Variants in LMX1A observed in about 807,000 individuals in gnomAD.
The protein encoded by LMX1A is LIM homeobox transcription factor 1-alpha.
Under a neutral mutation model 49.1 loss-of-function variants are expected in LMX1A, and 15 were observed. The observed-to-expected ratio is 0.31, with a 90% CI of 0.20 to 0.47. The LOEUF is 0.47. Among genes scored for constraint, LMX1A ranks in the 20% least tolerant of loss-of-function variants. The probability of loss-of-function intolerance (pLI) is 1.00; values close to 1 mark genes in which losing one functional copy is unlikely to be tolerated. For synonymous variants in LMX1A, 167 were observed against 185.7 expected (o/e 0.90, Z 0.82); for missense variants, 372 against 475.8 (o/e 0.78, Z 2.03).
intron 6 of LMX1A, among the ~76,000 whole-genome samples, chr1:165,209,251 T>C (rs1322922314): frequency 1.3e-5 from 2 of 152,218 alleles, no homozygotes; most frequent in Admixed American, 1.3e-4. Flanking sequence ...CCAATCATGA[T>C]CAAATAGTGA....
chr1:165,355,634 C>A lies in LMX1A; in HGVS notation c.-22-53G>T. The A allele has an allele frequency of 1.5e-6, 2 of 1,378,248 alleles. No homozygotes were observed. The highest frequency in any genetic ancestry group is 2.0e-6 in the Non-Finnish European group (2 of 981,958). The allele number at this position is 1,378,248 out of a possible 1,614,324, so 85.4% of individuals were successfully genotyped here. A position where few individuals can be genotyped will look rare whatever the true frequency, so the allele number is the denominator to read the frequency against. The stretch of plus-strand genomic sequence containing the variant: ...GACGTCCGTGCCCGCTGGGACTCGG[C>A]GCCAGCAGCCACCGCACTCCTGGGA... On this transcript the variant is annotated intron_variant, in intron 1 of 8. Coordinates refer to ENST00000342310, the MANE Select transcript of LMX1A (RefSeq NM_177398.4). The surrounding 1 kb of genome is among the most constrained non-coding windows in gnomAD (Gnocchi z 4.7).
At chr1:165,341,216 C>T (rs1354108696) in intron 3 of LMX1A, among the ~76,000 whole-genome samples, 1 of 152,186 alleles carries the variant, frequency 6.6e-6, no homozygotes, top group East Asian at 1.9e-4. Flanking sequence ...CACAACCAGC[C>T]ATACCCTAAA....
chr1:165,248,937 C>T (rs1652954448), intron 4 of LMX1A, among the ~76,000 whole-genome samples: 1 of 152,154 alleles, frequency 6.6e-6, no homozygotes, highest in Admixed American at 6.5e-5. Flanking sequence ...GAAATGTGCT[C>T]TGTGGTTGGG....
chr1:165,240,124 TAA>T (rs1652595091), intron 4 of LMX1A, among the ~76,000 whole-genome samples: 2 of 152,164 alleles, frequency 1.3e-5, no homozygotes, highest in African/African-American at 4.8e-5. Flanking sequence ...CAAGTCAGTC[TAA>T]GTGTTGAAAC....
At chr1:165,235,529 G>A (rs1293420284) in intron 4 of LMX1A, among the ~76,000 whole-genome samples, 1 of 152,296 alleles carries the variant, frequency 6.6e-6, no homozygotes, top group East Asian at 1.9e-4. Flanking sequence ...TGGATTTACC[G>A]TGGCATTACT....
At chr1:165,243,670 CACTT>C (rs1383076678) in intron 4 of LMX1A, among the ~76,000 whole-genome samples, 2 of 152,226 alleles carry the variant, frequency 1.3e-5, no homozygotes, top group African/African-American at 2.4e-5. Flanking sequence ...GTAGAGGAAA[CACTT>C]ACTTTGTGAG....
At chr1:165,341,589 A>AAAATATAT (rs60039900) in intron 3 of LMX1A, among the ~76,000 whole-genome samples, 1 of 146,622 alleles carries the variant, frequency 6.8e-6, no homozygotes, top group Non-Finnish European at 1.5e-5. Flanking sequence ...CAATAAACCA[A>AAAATATAT]ATATATATAT....
chr1:165,206,885 G>A (rs116182922), intron 7 of LMX1A, among the ~76,000 whole-genome samples: 6,405 of 152,156 alleles, frequency 0.042, 442 homozygotes, highest in African/African-American at 0.15. Flanking sequence ...GTTTAGTCTA[G>A]AAGGTAAGAA....
At chr1:165,240,765 T>G (rs573833499) in intron 4 of LMX1A, among the ~76,000 whole-genome samples, 16 of 152,268 alleles carry the variant, frequency 1.1e-4, no homozygotes, top group African/African-American at 2.9e-4. Flanking sequence ...AGACTCCAGT[T>G]GCAAGAGAAA....
intron 3 of LMX1A, among the ~76,000 whole-genome samples, chr1:165,347,196 G>A (rs553152678): frequency 1.8e-4 from 28 of 152,156 alleles, no homozygotes; most frequent in Non-Finnish European, 2.6e-4. Context: ...GCACAAAGGG[G>A]AAAAAAGGCA....
intron 3 of LMX1A, among the ~76,000 whole-genome samples, chr1:165,335,118 G>C (rs908715438): frequency 6.6e-6 from 1 of 152,038 alleles, no homozygotes; most frequent in African/African-American, 2.4e-5. Flanking sequence ...ACAGAATATA[G>C]GATTACAAAT....
intron 4 of LMX1A, among the ~76,000 whole-genome samples, chr1:165,242,875 A>G: frequency 6.8e-6 from 1 of 147,488 alleles, no homozygotes; most frequent in Admixed American, 6.8e-5. Flanking sequence ...GCTTGCAGTG[A>G]GCCGAGATTG....
chr1:165,322,335 A>G (rs546631282), intron 3 of LMX1A, among the ~76,000 whole-genome samples: 1 of 152,326 alleles, frequency 6.6e-6, no homozygotes, highest in South Asian at 2.1e-4. Flanking sequence ...CACAGGCCCA[A>G]GCGAACTGAA....
intron 3 of LMX1A, among the ~76,000 whole-genome samples, chr1:165,341,210 AC>A (rs1656064414): frequency 6.6e-6 from 1 of 152,222 alleles, no homozygotes; most frequent in African/African-American, 2.4e-5. Flanking sequence ...GCAGTCCACA[AC>A]CAGCCATACC....
chr1:165,315,905 G>A (rs1655205491), intron 3 of LMX1A, among the ~76,000 whole-genome samples: 1 of 152,196 alleles, frequency 6.6e-6, no homozygotes, highest in African/African-American at 2.4e-5. Context: ...TAAATCAGGG[G>A]TTCTGAAAAT....
intron 3 of LMX1A, among the ~76,000 whole-genome samples, chr1:165,323,597 T>C (rs1655483890): frequency 6.6e-6 from 1 of 152,206 alleles, no homozygotes; most frequent in South Asian, 2.1e-4. Context: ...CTGTACCATC[T>C]CTAGCAGCAC....
chr1:165,306,026 T>C (rs916865402), intron 3 of LMX1A, among the ~76,000 whole-genome samples: 5 of 152,160 alleles, frequency 3.3e-5, no homozygotes, highest in Admixed American at 6.6e-5. Context: ...GTGAAAACCA[T>C]GTCCCAGACG....
At chr1:165,352,878 G>A (rs1306728702) in intron 3 of LMX1A, among the ~76,000 whole-genome samples, 198 bp downstream of exon 3, 1 of 152,268 alleles carries the variant, frequency 6.6e-6, no homozygotes, top group Admixed American at 6.5e-5. Flanking sequence ...TCGGGCCACT[G>A]CTGCGCGCAC....
At chr1:165,307,149 A>G (rs1217995362) in intron 3 of LMX1A, among the ~76,000 whole-genome samples, 1 of 152,204 alleles carries the variant, frequency 6.6e-6, no homozygotes, top group Non-Finnish European at 1.5e-5. Context: ...CTTTGTGCTG[A>G]CCAATACAGG....
Sources: gnomAD v4.1 joint callset for allele counts (sites outside exome capture counted in the v4.1 genomes callset) on GRCh38, gnomAD v4.1.1 for gene constraint, Gnocchi (gnomAD v3.1) non-coding constraint, MANE v1.5 for transcripts, NCBI Gene and HGNC (gene_info 2026-07-23, HGNC 2026-07-21) for gene names.